Variants in CRYBG3 observed in about 807,000 individuals in gnomAD.
The protein encoded by CRYBG3 is crystallin beta-gamma domain containing 3.
In CRYBG3, 127 loss-of-function variants were observed where a neutral mutation model predicts 244.2. The ratio of observed to expected loss-of-function variants is 0.52; its 90% CI spans 0.45 to 0.60. CRYBG3 has a LOEUF of 0.60. Among genes scored for constraint, CRYBG3 ranks in the 20% least tolerant of loss-of-function variants. The probability of loss-of-function intolerance (pLI) is 0.00; values close to 1 mark genes in which losing one functional copy is unlikely to be tolerated. For missense variants in CRYBG3, 3,325 were observed against 3,442.5 expected, an observed-to-expected ratio of 0.97 and a Z score of 0.85; for synonymous variants, 1,132 against 1,195.8, an observed-to-expected ratio of 0.95 and a Z score of 1.10.
chr3:97,909,179 C>G (rs1375214912), intron 15 of CRYBG3, among the ~76,000 whole-genome samples: 5 of 150,662 alleles, frequency 3.3e-5, no homozygotes, highest in Admixed American at 1.3e-4. Flanking sequence ...CTGCCCTTAA[C>G]ATTTTTTCCT....
chr3:97,855,201 T>G (rs1465806447), intron 2 of CRYBG3, among the ~76,000 whole-genome samples: 1 of 152,176 alleles, frequency 6.6e-6, no homozygotes, highest in Non-Finnish European at 1.5e-5. Context: ...TTAATTATGG[T>G]ATATAATCTT....
At position 97,872,513 on chromosome 3, in the gene CRYBG3, G is replaced by A; in HGVS notation, c.1319G>A (p.Ser440Asn). The change falls in exon 4 of 22, where the codon AGT becomes AAT. Residue 440 changes from serine (S) to asparagine (N), a missense_variant. By Grantham distance (46) the Ser-to-Asn change is conservative (BLOSUM62 1). Coordinates refer to ENST00000389622, the MANE Select transcript of CRYBG3 (RefSeq NM_153605.4). The part of the protein sequence containing the change: ...QGPAISDFSC[S>N]KSDGSDTTEQ... ...CCTGCTATTTCTGATTTCTCTTGTA[G>A]TAAATCTGATGGGAGTGACACTACT... The A allele has an allele frequency of 6.5e-7, 1 of 1,535,958 alleles. No individual in the cohort carries two copies.
At chr3:97,907,956 C>T (rs1261096468) in intron 15 of CRYBG3, among the ~76,000 whole-genome samples, 15 of 151,812 alleles carry the variant, frequency 9.9e-5, no homozygotes, top group Non-Finnish European at 1.5e-4. Context: ...GTCTTTGTTC[C>T]CGTTGGTTTC....
At chr3:97,830,456 C>T (rs1237092638) in intron 1 of CRYBG3, among the ~76,000 whole-genome samples, 2 of 152,066 alleles carry the variant, frequency 1.3e-5, no homozygotes, top group African/African-American at 4.8e-5. Flanking sequence ...TTTTGGACTT[C>T]ACGTATTCCT....
rs2039364730 is a variant in CRYBG3, at chr3:97,875,835, G to A, written c.4641G>A (p.Gly1547=). Residue 1547 remains glycine, a synonymous_variant, in exon 4 of 22, where the codon GGG becomes GGA. Transcript: ENST00000389622. ...TTATACCTTCCATGTTAGAAACAGG[G>A]AAAACAAACAAAAAGGATGCTGAAT... ...IELIPSMLET[G]KTNKKDAELN... The A allele has an allele frequency of 8.1e-7, 1 of 1,231,812 alleles. No homozygotes were observed. Among genetic ancestry groups the A allele is most frequent in the African/African-American group, 1.6e-5 (1 of 64,364 alleles). 76.3% of individuals were successfully genotyped at this position (1,231,812 alleles called of 1,614,324 possible).
chr3:97,860,520 A>C (rs1051021169), intron 2 of CRYBG3, among the ~76,000 whole-genome samples: 1 of 152,180 alleles, frequency 6.6e-6, no homozygotes, highest in East Asian at 1.9e-4. Context: ...AGGAGGCGAG[A>C]GAGAGTGAGT....
intron 1 of CRYBG3, among the ~76,000 whole-genome samples, chr3:97,837,379 G>A (rs758048047): frequency 1.6e-4 from 25 of 152,102 alleles, no homozygotes; most frequent in Non-Finnish European, 3.1e-4. Context: ...GGAGGTGCTG[G>A]TGAGTGGACC....
At chr3:97,868,253 C>T (rs1401662141) in intron 3 of CRYBG3, among the ~76,000 whole-genome samples, 3 of 146,610 alleles carry the variant, frequency 2.0e-5, no homozygotes, top group South Asian at 2.2e-4. Flanking sequence ...CACTGCAGTC[C>T]GACCTGGGCG....
chr3:97,867,355 T>G (rs1458994553), intron 3 of CRYBG3, among the ~76,000 whole-genome samples: 3 of 152,226 alleles, frequency 2.0e-5, no homozygotes, highest in Non-Finnish European at 2.9e-5. Flanking sequence ...AAAAGGGAGA[T>G]AATTGTCATA....
At chr3:97,939,647 G>T (rs565278504) in intron 19 of CRYBG3, among the ~76,000 whole-genome samples, 1 of 152,084 alleles carries the variant, frequency 6.6e-6, no homozygotes, top group African/African-American at 2.4e-5. Context: ...ATCTGTGAAG[G>T]TCACGCCTGT....
intron 2 of CRYBG3, among the ~76,000 whole-genome samples, chr3:97,858,647 C>T (rs1178497533): frequency 6.6e-6 from 1 of 152,046 alleles, no homozygotes; most frequent in Non-Finnish European, 1.5e-5. Flanking sequence ...TTTTCAGCTT[C>T]AACATTTCTG....
At chr3:97,887,674 T>A (rs1400076468) in intron 8 of CRYBG3, among the ~76,000 whole-genome samples, 1 of 152,206 alleles carries the variant, frequency 6.6e-6, no homozygotes, top group Non-Finnish European at 1.5e-5. Context: ...GAGAATCGCT[T>A]GAACCCAGAA....
chr3:97,938,759 T>C (rs1054789024), intron 19 of CRYBG3, among the ~76,000 whole-genome samples: 9 of 152,066 alleles, frequency 5.9e-5, no homozygotes, highest in African/African-American at 2.2e-4. Context: ...TGGCTCTGGC[T>C]CATATTACTA....
In CRYBG3 at chr3:97,864,219, T is replaced by C; in HGVS notation, c.219T>C (p.Ile73=). The C allele has an allele frequency of 2.0e-6, 3 of 1,482,056 alleles. No individual in the cohort carries two copies. The highest frequency in any genetic ancestry group is 2.7e-6 in the Non-Finnish European group (3 of 1,126,484). The allele number at this position is 1,482,056 out of a possible 1,614,324, so 91.8% of individuals were successfully genotyped here. A position where few individuals can be genotyped will look rare whatever the true frequency, so the allele number is the denominator to read the frequency against. Residue 73 remains isoleucine (I), a splice_region_variant and synonymous_variant, in exon 3 of 22, where the codon ATT becomes ATC. Transcript: ENST00000389622. Reference sequence around the variant, plus strand: ...GATTGTCTATTTTGTTTTCAAAGATTCGCCAAAGTGAGGACAAAAGGAACC... The same window carrying C: ...GATTGTCTATTTTGTTTTCAAAGATCCGCCAAAGTGAGGACAAAAGGAACC... The part of the protein sequence containing the change: ...ENVLSSEAVK[I]RQSEDKRNHA...
rs767816411 is a variant in CRYBG3 at position 97,874,633 on chromosome 3, G to A, written c.3439G>A (p.Asp1147Asn). 2 of 1,536,040 alleles carry A rather than the reference G, an allele frequency of 1.3e-6. No individual in the cohort carries two copies. Among genetic ancestry groups the A allele is most frequent in the South Asian group, 2.4e-5 (2 of 84,042 alleles). The change falls in exon 4 of 22, where the codon GAC (aspartate) becomes AAC (asparagine). Residue 1147 changes from aspartate to asparagine, a missense_variant. Asp to Asn is a conservative substitution (Grantham distance 23, BLOSUM62 1). Around this residue, in one of 4 missense-constraint regions of CRYBG3, gnomAD observed 1,526 missense variants for 1,443.2 expected, o/e 1.06. Transcript: ENST00000389622. ...SIDFPTAAQF[D>N]NLVEAETGAV... ...TGATTTCCCAACTGCTGCCCAATTT[G>A]ACAATCTCGTGGAAGCAGAGACTGG...
intron 17 of CRYBG3, among the ~76,000 whole-genome samples, chr3:97,916,645 G>A (rs1343720929): frequency 6.6e-6 from 1 of 152,114 alleles, no homozygotes; most frequent in Non-Finnish European, 1.5e-5. Context: ...AAACCTTTCT[G>A]TCAGAGCTGA....
chr3:97,887,276 G>C (rs1559733545), intron 8 of CRYBG3, among the ~76,000 whole-genome samples: 1 of 152,166 alleles, frequency 6.6e-6, no homozygotes. Flanking sequence ...TTAGGACTAT[G>C]GGTCTAAGTT....
chr3:97,897,614 A>C (rs2039654379), intron 12 of CRYBG3, among the ~76,000 whole-genome samples: 1 of 152,052 alleles, frequency 6.6e-6, no homozygotes, highest in Non-Finnish European at 1.5e-5. Context: ...GTTTGTTAAA[A>C]ACTCTTAATT....
At chr3:97,940,496 A>G (rs1337626038) in intron 19 of CRYBG3, among the ~76,000 whole-genome samples, 1 of 152,040 alleles carries the variant, frequency 6.6e-6, no homozygotes, top group African/African-American at 2.4e-5. Context: ...TATTCTCCTT[A>G]GAGGCAAGTC....
Sources: allele counts gnomAD v4.1 joint callset (sites outside exome capture counted in the v4.1 genomes callset), GRCh38; gene constraint gnomAD v4.1.1; regional missense constraint gnomAD v4.1.1; transcripts MANE v1.5; gene names NCBI Gene and HGNC (gene_info 2026-07-23, HGNC 2026-07-21).